The following GLIS1 variants were observed in gnomAD, a reference collection of about 807,000 sequenced individuals.
GLIS1 encodes the protein zinc finger protein GLIS1.
GLIS1 carries 24 observed loss-of-function variants against 63.8 expected under a neutral mutation model. The observed-to-expected ratio is 0.38, with a 90% CI of 0.27 to 0.53. The LOEUF is 0.53. Ranked by LOEUF, GLIS1 falls within the 20% of genes least tolerant of loss-of-function variation. GLIS1 has a pLI of 0.85. For synonymous variants in GLIS1, 450 were observed against 482.5 expected, an observed-to-expected ratio of 0.93 and a Z score of 0.88; for missense variants, 1,036 against 1,074.1, an observed-to-expected ratio of 0.96 and a Z score of 0.50.
chr1:53,652,839 G>A (rs1334737806), intron 2 of GLIS1, among the ~76,000 whole-genome samples: 4 of 152,186 alleles, frequency 2.6e-5, no homozygotes, highest in Non-Finnish European at 5.9e-5. Flanking sequence ...GAGGCAGGGG[G>A]CATGACAACT....
Position 53,607,611 on chromosome 1 carries a change from C to G in GLIS1, c.260-7333G>C, listed in dbSNP as rs1384707826. ...AAGGTCATGCAGCTGTGAAATGGGA[C>G]AGTCAGGATGCAAGGCCAGCTCTAT... On this transcript the variant is annotated intron_variant, in intron 2 of 10. Transcript: ENST00000628545. Among the ~76,000 whole-genome samples, 4 of 152,166 alleles carry G rather than the reference C, an allele frequency of 2.6e-5. No individual in the cohort carries two copies. In the East Asian group the frequency reaches 7.7e-4, roughly 29 times the overall value.
intron 4 of GLIS1, among the ~76,000 whole-genome samples, chr1:53,593,459 G>A (rs971783373): frequency 6.6e-6 from 1 of 152,268 alleles, no homozygotes; most frequent in African/African-American, 2.4e-5. Flanking sequence ...ATGCATGTGT[G>A]TGTGCACGTG....
intron 2 of GLIS1, among the ~76,000 whole-genome samples, chr1:53,708,855 C>T (rs1011501173): frequency 2.0e-5 from 3 of 152,170 alleles, no homozygotes; most frequent in Admixed American, 2.0e-4. Flanking sequence ...ACCTGTCTCA[C>T]CTCCAACAAG....
At chr1:53,671,571 G>T (rs1410367933) in intron 2 of GLIS1, among the ~76,000 whole-genome samples, 2 of 152,186 alleles carry the variant, frequency 1.3e-5, no homozygotes, top group Admixed American at 1.3e-4. Flanking sequence ...TAAGGGCACA[G>T]ATTTCACTAA....
chr1:53,566,498 C>T (rs139613385), intron 4 of GLIS1, among the ~76,000 whole-genome samples: 152 of 152,274 alleles, frequency 1.0e-3, no homozygotes, highest in African/African-American at 3.5e-3. Flanking sequence ...TACATTAGCA[C>T]CCCTAAAAAT....
At chr1:53,514,202 C>A (rs1202283570) in intron 8 of GLIS1, among the ~76,000 whole-genome samples, 2 of 152,160 alleles carry the variant, frequency 1.3e-5, no homozygotes, top group East Asian at 3.9e-4. Context: ...GGCGTGGGGC[C>A]CAGACCAGCG....
chr1:53,545,670 C>T lies in GLIS1; in HGVS notation c.1321-15718G>A, dbSNP rs2100384833. ...TTTCCTTTTTTCCTTACATTTCACT[C>T]TCTACTTTCTACTTCTTTACATATT... On this transcript the variant is annotated intron_variant, in intron 4 of 10. Transcript: ENST00000628545. 3.3e-5 allele frequency among the ~76,000 whole-genome samples: 5 copies of T among 152,256 alleles called. No homozygotes were observed. The Middle Eastern group carries it at 0.017, about 518-fold the overall frequency.
At position 53,696,124 on chromosome 1, in the gene GLIS1, AG is replaced by A. The variant is rs566422515; in HGVS notation, c.259+41681del. Among the ~76,000 whole-genome samples, 14 of 152,366 alleles carry A rather than the reference AG, an allele frequency of 9.2e-5. 1 individual carries two copies. The South Asian group carries it at 1.7e-3, about 18-fold the overall frequency. On this transcript the variant is annotated intron_variant, in intron 2 of 10. Transcript: ENST00000628545. ...CAATTCTGAAGGTTTCCCTCCCCTCAGGGAGCTGGCGAGCTCCAAGCGGTTA... is the reference window on the plus strand; with the variant it reads ...CAATTCTGAAGGTTTCCCTCCCCTCAGGAGCTGGCGAGCTCCAAGCGGTTA...
At chr1:53,522,986 C>CTTTTTCTTTTTTTTTTTTTTTTTT (rs760283252) in intron 6 of GLIS1, among the ~76,000 whole-genome samples, 12 of 43,686 alleles carry the variant, frequency 2.7e-4, no homozygotes, top group African/African-American at 4.9e-4. Context: ...TCTTTTCTTT[C>CTTTTTCTTTTTTTTTTTTTTTTTT]TTTTTTTTTT....
At chr1:53,662,044 A>G (rs1247644293) in intron 2 of GLIS1, among the ~76,000 whole-genome samples, 2 of 152,138 alleles carry the variant, frequency 1.3e-5, no homozygotes, top group African/African-American at 4.8e-5. Context: ...AGAGGTATGT[A>G]ATCAAGGGGC....
intron 2 of GLIS1, among the ~76,000 whole-genome samples, chr1:53,732,257 T>C (rs1213824399): frequency 2.0e-5 from 3 of 152,338 alleles, no homozygotes; most frequent in African/African-American, 2.4e-5. Context: ...GAAGAAAACA[T>C]GCTTTAAGTG....
At chr1:53,702,519 G>A (rs182289037) in intron 2 of GLIS1, among the ~76,000 whole-genome samples, 17 of 152,310 alleles carry the variant, frequency 1.1e-4, no homozygotes, top group Admixed American at 2.6e-4. Flanking sequence ...AGGAACAGGA[G>A]AGAGAGACGG....
At chr1:53,662,996 T>C (rs1002693612) in intron 2 of GLIS1, among the ~76,000 whole-genome samples, 1 of 152,200 alleles carries the variant, frequency 6.6e-6, no homozygotes, top group Non-Finnish European at 1.5e-5. Context: ...TCTGAACTCA[T>C]AGATTCACTG....
At chr1:53,582,010 T>C (rs1410172682) in intron 4 of GLIS1, among the ~76,000 whole-genome samples, 8 of 152,170 alleles carry the variant, frequency 5.3e-5, no homozygotes, top group African/African-American at 1.7e-4. Flanking sequence ...TGGGATGACT[T>C]GCCCAGAACC....
At position 53,597,201 on chromosome 1, in the gene GLIS1, A is replaced by C. The variant is rs1318988011; in HGVS notation, c.438-2211T>G. ...TAAAAAAAAAAAAAAAAAAAAAAAA[A>C]AAAAAAAAAACACTACAAAAAATTA... On this transcript the variant is annotated intron_variant, in intron 3 of 10. Transcript: ENST00000628545. Among the ~76,000 whole-genome samples the C allele has an allele frequency of 1.4e-3, 208 of 146,020 alleles. 3 individuals are homozygous for C. The highest frequency in any genetic ancestry group is 9.8e-3 in the South Asian group (45 of 4,570).
At chr1:53,645,563 T>C (rs760474602) in intron 2 of GLIS1, among the ~76,000 whole-genome samples, 1 of 152,150 alleles carries the variant, frequency 6.6e-6, no homozygotes, top group Non-Finnish European at 1.5e-5. Flanking sequence ...GCCAGGGTGA[T>C]AGGGGATGGC....
intron 2 of GLIS1, among the ~76,000 whole-genome samples, chr1:53,681,412 C>A (rs1342095365): frequency 1.3e-5 from 2 of 152,260 alleles, no homozygotes; most frequent in Non-Finnish European, 2.9e-5. Flanking sequence ...GCCCTGCTCC[C>A]AGGACAATGC....
At chr1:53,672,972 A>G (rs1646169520) in intron 2 of GLIS1, among the ~76,000 whole-genome samples, 1 of 152,212 alleles carries the variant, frequency 6.6e-6, no homozygotes, top group African/African-American at 2.4e-5. Context: ...CAACATAGCC[A>G]GACTGTCCCC....
intron 4 of GLIS1, among the ~76,000 whole-genome samples, chr1:53,554,312 G>C (rs369152934): frequency 6.6e-6 from 1 of 152,204 alleles, no homozygotes; most frequent in Non-Finnish European, 1.5e-5. Context: ...AATGAGTCAC[G>C]AGTAGAGACA....
Sources: gnomAD v4.1 joint callset for allele counts (sites outside exome capture counted in the v4.1 genomes callset) on GRCh38, gnomAD v4.1.1 for gene constraint, MANE v1.5 for transcripts, NCBI Gene and HGNC (gene_info 2026-07-23, HGNC 2026-07-21) for gene names.